The following DNAH2 variants were observed in gnomAD, a reference collection of about 807,000 sequenced individuals.
DNAH2 encodes the protein dynein axonemal heavy chain 2, also known as axonemal beta dynein heavy chain 2.
Under a neutral mutation model 523.5 loss-of-function variants are expected in DNAH2, and 323 were observed. That is an observed-to-expected ratio of 0.62 (90% CI 0.56 to 0.68). DNAH2 has a LOEUF of 0.68. Ranked by LOEUF, DNAH2 falls within the 30% of genes least tolerant of loss-of-function variation. DNAH2 has a pLI of 0.00. For missense variants in DNAH2, 4,907 were observed against 5,701.5 expected (o/e 0.86, Z 4.49); for synonymous variants, 2,093 against 2,177.4 (o/e 0.96, Z 1.08).
Position 7,776,735 on chromosome 17 carries a change from A to G in DNAH2, c.4948-44A>G, listed in dbSNP as rs767629797. ...GACTTGGGAGCTGGGCTGTGCGTGT[A>G]GCCAAGGACAGGGCTTTGGGACGTG... On this transcript the variant is annotated intron_variant, in intron 31 of 85. Transcript: ENST00000572933. The G allele has an allele frequency of 3.9e-6, 6 of 1,523,246 alleles. No homozygotes were observed. The South Asian group carries it at 4.5e-5, about 11-fold the overall frequency. 94.4% of individuals were successfully genotyped at this position (1,523,246 alleles called of 1,614,324 possible).
At chr17:7,787,140 G>T in intron 42 of DNAH2, 107 bp downstream of exon 42, 1 of 1,412,838 alleles carries the variant, frequency 7.1e-7, no homozygotes, top group South Asian at 1.3e-5. Flanking sequence ...CAGGTTCTGT[G>T]GGAGAGAGCT....
intron 8 of DNAH2, among the ~76,000 whole-genome samples, 168 bp downstream of exon 8, chr17:7,737,426 G>A (rs910527933): frequency 7.9e-5 from 12 of 152,200 alleles, no homozygotes; most frequent in African/African-American, 2.9e-4. Context: ...TCTGCTTTAG[G>A]GTTGCTCAGC....
In DNAH2 at chr17:7,788,007, G is replaced by C; in HGVS notation, c.6741+10G>C. ...GGAGAAGAGGCCAAAGGTATGAAGG[G>C]AACTGAGGAGAGGGAAAGTAACCAG... On this transcript the variant is annotated intron_variant, in intron 43 of 85. Transcript: ENST00000572933. The C allele has an allele frequency of 6.2e-7, 1 of 1,613,968 alleles. No individual in the cohort carries two copies. The highest frequency in any genetic ancestry group is 1.1e-5 in the South Asian group (1 of 91,048).
intron 21 of DNAH2, 74 bp downstream of exon 21, chr17:7,765,639 G>A: frequency 6.5e-7 from 1 of 1,534,184 alleles, no homozygotes; most frequent in Non-Finnish European, 8.8e-7. Context: ...CAGGTCCTGG[G>A]AAGGCGAGAA....
chr17:7,831,437 C>A lies in DNAH2; in HGVS notation c.12507C>A (p.Ile4169=). The part of the protein sequence containing the change: ...ADVKQKIPEM[I]DYEGTQKLLA... The stretch of plus-strand genomic sequence containing the variant: ...TGAAGCAGAAGATCCCTGAAATGAT[C>A]GACTATGAGGGGACTCAAAAACTGC... The change falls in exon 81 of 86, where the codon ATC becomes ATA. Residue 4169 remains isoleucine, a synonymous_variant. Coordinates refer to ENST00000572933, the MANE Select transcript of DNAH2 (RefSeq NM_020877.5). The surrounding 1 kb of genome is among the most constrained non-coding windows in gnomAD (Gnocchi z 4.2). The A allele has an allele frequency of 6.2e-7, 1 of 1,614,088 alleles. No individual in the cohort carries two copies. The highest frequency in any genetic ancestry group is 8.5e-7 in the Non-Finnish European group (1 of 1,179,992).
At position 7,758,531 on chromosome 17, in the gene DNAH2, A is replaced by G. The variant is rs761288341; in HGVS notation, c.2088A>G (p.Leu696=). The change falls in exon 14 of 86, where the codon CTA becomes CTG. Residue 696 remains leucine, a synonymous_variant. Coordinates refer to ENST00000572933, the MANE Select transcript of DNAH2 (RefSeq NM_020877.5). The part of the protein sequence containing the change: ...IAMLSPDEQA[L]FKERIRLLDK... ...TGCTGTCCCCAGATGAGCAGGCCCT[A>G]TTCAAAGAGCGTATTCGGCTCCTGG... is the stretch of plus-strand genomic sequence containing the variant. 5.0e-6 allele frequency: 8 copies of G among 1,614,002 alleles called. No homozygotes were observed. The highest frequency in any genetic ancestry group is 5.9e-6 in the Non-Finnish European group (7 of 1,180,010).
intron 12 of DNAH2, among the ~76,000 whole-genome samples, chr17:7,756,859 TG>T (rs1285182380): frequency 6.6e-6 from 1 of 151,760 alleles, no homozygotes; most frequent in African/African-American, 2.4e-5. Context: ...TTTGTAGAGA[TG>T]GGATTCCCCC....
Position 7,832,829 on chromosome 17 carries a change from T to C in DNAH2, c.12904-25T>C. The C allele has an allele frequency of 6.2e-7, 1 of 1,614,174 alleles. No homozygotes were observed. The highest frequency in any genetic ancestry group is 8.5e-7 in the Non-Finnish European group (1 of 1,180,020). On this transcript the variant is annotated intron_variant, in intron 83 of 85. Coordinates refer to ENST00000572933, the MANE Select transcript of DNAH2 (RefSeq NM_020877.5). The surrounding 1 kb of genome is among the most constrained non-coding windows in gnomAD (Gnocchi z 4.3). ...ATGTGTTCTCCTCTTCAGGGTCCTC[T>C]CTTATTCTCACCTTCAACCCCCAGG...
Position 7,761,641 on chromosome 17 carries a change from C to T in DNAH2, c.2978+709C>T, listed in dbSNP as rs1443338034. 9.9e-5 allele frequency among the ~76,000 whole-genome samples: 15 copies of T among 151,922 alleles called. No homozygotes were observed. The South Asian group carries it at 1.5e-3, about 15-fold the overall frequency. On this transcript the variant is annotated intron_variant, in intron 18 of 85. Coordinates refer to ENST00000572933, the MANE Select transcript of DNAH2 (RefSeq NM_020877.5). ...CTGGGATTACAGGCATTCACCACCA[C>T]GCCTGGCTAATTTTTGTATTTTTAG...
intron 39 of DNAH2, among the ~76,000 whole-genome samples, chr17:7,783,296 C>T (rs1185979651): frequency 1.3e-5 from 2 of 152,004 alleles, no homozygotes; most frequent in African/African-American, 4.8e-5. Flanking sequence ...AGGCTGGTCT[C>T]GAACTCCCGA....
Position 7,788,317 on chromosome 17 carries a change from C to T in DNAH2, c.6900+73C>T, listed in dbSNP as rs2076802831. On this transcript the variant is annotated intron_variant, in intron 44 of 85. Coordinates refer to ENST00000572933, the MANE Select transcript of DNAH2 (RefSeq NM_020877.5). ...CCTCACCAGAACAACTTCTGGGAAA[C>T]GGCGTGTCTGAGACAGGTTGAACTC... is the stretch of plus-strand genomic sequence containing the variant. 1.1e-5 allele frequency: 16 copies of T among 1,467,210 alleles called. No individual in the cohort carries two copies. In the South Asian group the frequency reaches 1.2e-4, roughly 11 times the overall value. 90.9% of individuals were successfully genotyped at this position (1,467,210 alleles called of 1,614,324 possible). A position where few individuals can be genotyped will look rare whatever the true frequency, so the allele number is the denominator to read the frequency against.
chr17:7,739,297 T>C (rs1372989781), intron 8 of DNAH2, among the ~76,000 whole-genome samples: 3 of 152,216 alleles, frequency 2.0e-5, no homozygotes, highest in Middle Eastern at 3.4e-3. Context: ...TCCTAGCTGC[T>C]TGGGAGGCTG....
In DNAH2 at chr17:7,776,769, A is replaced by G. The variant is rs1180590629; in HGVS notation, c.4948-10A>G. ...CAGGGCTTTGGGACGTGGCTTCTGC[A>G]CATCCCCAGGTGGTGATCACTGCCA... On this transcript the variant is annotated splice_polypyrimidine_tract_variant and intron_variant, in intron 31 of 85. Transcript: ENST00000572933. 6.2e-7 allele frequency: 1 copy of G among 1,609,872 alleles called. No homozygotes were observed. The highest frequency in any genetic ancestry group is 2.2e-5 in the East Asian group (1 of 44,774).
chr17:7,802,025 G>A lies in DNAH2; in HGVS notation c.8972+8G>A. 1.2e-6 allele frequency: 2 copies of A among 1,613,872 alleles called. No homozygotes were observed. ...CCTGTCTGGATATAAGAAGTATGAA[G>A]GGGGGCAGGGGATGTGCAGGGCCAG... On this transcript the variant is annotated splice_region_variant and intron_variant, in intron 58 of 85. Transcript: ENST00000572933.
chr17:7,798,585 G>T lies in DNAH2; in HGVS notation c.8426G>T (p.Gly2809Val), dbSNP rs774749838. ...ATCAAGCGTCTGTATCGCCAGGCTG[G>T]GGTGGAGCTCAAGACCACGTCCTTC... Reference protein sequence around the residue: ...DDIKRLYRQAGVELKTTSFIF... With the variant: ...DDIKRLYRQAVVELKTTSFIF... Residue 2809 changes from glycine to valine, a missense_variant, in exon 55 of 86, where the codon GGG becomes GTG. Gly to Val is a moderately radical substitution (Grantham distance 109). This residue lies in a region of DNAH2 where 1,851 missense variants were observed against 2,139.4 expected (regional missense o/e 0.87). Transcript: ENST00000572933. This position sits in a 1 kb window ranked among gnomAD's most constrained non-coding sequence, Gnocchi z 5.5. The T allele has an allele frequency of 6.2e-7, 1 of 1,614,140 alleles. No homozygotes were observed. Among genetic ancestry groups the T allele is most frequent in the South Asian group, 1.1e-5 (1 of 91,084 alleles).
chr17:7,824,846 A>C, intron 77 of DNAH2, 119 bp downstream of exon 77: 1 of 868,336 alleles, frequency 1.2e-6, no homozygotes, highest in Non-Finnish European at 1.6e-6. Flanking sequence ...AAAAAATTCC[A>C]CCTCATTCCT....
intron 12 of DNAH2, among the ~76,000 whole-genome samples, chr17:7,749,801 C>T (rs1360000411): frequency 1.3e-5 from 2 of 151,998 alleles, no homozygotes; most frequent in East Asian, 3.9e-4. Flanking sequence ...TCGAGACCAG[C>T]CTGGCCAACA....
chr17:7,799,997 C>T (rs985534191), intron 56 of DNAH2, among the ~76,000 whole-genome samples: 2 of 152,276 alleles, frequency 1.3e-5, no homozygotes, highest in Non-Finnish European at 2.9e-5. Context: ...CAGCTGCTGT[C>T]TCTTGAGTCT....
chr17:7,819,569 CCTGT>C (rs922500545), intron 72 of DNAH2, among the ~76,000 whole-genome samples, 161 bp downstream of exon 72: 22 of 152,364 alleles, frequency 1.4e-4, no homozygotes, highest in African/African-American at 4.8e-4. Flanking sequence ...TTAACCATCA[CCTGT>C]GGGCTGATGA....
Sources: allele counts gnomAD v4.1 joint callset (sites outside exome capture counted in the v4.1 genomes callset), GRCh38; gene constraint gnomAD v4.1.1; regional missense constraint gnomAD v4.1.1; non-coding constraint Gnocchi (gnomAD v3.1); transcripts MANE v1.5; gene names NCBI Gene and HGNC (gene_info 2026-07-23, HGNC 2026-07-21).